The following NDUFAF2 variants were observed in gnomAD, a reference collection of about 807,000 sequenced individuals.
The protein encoded by NDUFAF2 is NADH:ubiquinone oxidoreductase complex assembly factor 2, also known as NADH dehydrogenase [ubiquinone] 1 alpha subcomplex assembly factor 2.
In NDUFAF2, 13 loss-of-function variants were observed where a neutral mutation model predicts 22.8. That is an observed-to-expected ratio of 0.57 (90% CI 0.37 to 0.91). The LOEUF is 0.91. Ranked by LOEUF, NDUFAF2 falls within the 40% of genes least tolerant of loss-of-function variation. The probability of loss-of-function intolerance (pLI) is 0.01; values close to 1 mark genes in which losing one functional copy is unlikely to be tolerated. For synonymous variants in NDUFAF2, 53 were observed against 64.2 expected, an observed-to-expected ratio of 0.83 and a Z score of 0.84; for missense variants, 162 against 195.2, an observed-to-expected ratio of 0.83 and a Z score of 1.01.
intron 1 of NDUFAF2, among the ~76,000 whole-genome samples, chr5:60,970,570 T>G (rs1044924876): frequency 6.6e-6 from 1 of 152,192 alleles, no homozygotes; most frequent in Admixed American, 6.5e-5. Flanking sequence ...ACTTAATTTA[T>G]TTATCAATTT....
At chr5:61,124,865 T>G (rs1461550593) in intron 3 of NDUFAF2, among the ~76,000 whole-genome samples, 1 of 152,054 alleles carries the variant, frequency 6.6e-6, no homozygotes, top group African/African-American at 2.4e-5. Context: ...GAAAAGAGGT[T>G]TAATGGACGC....
chr5:60,952,806 T>A (rs12519810), intron 1 of NDUFAF2, among the ~76,000 whole-genome samples: 30,435 of 152,088 alleles, frequency 0.2, 3,609 homozygotes, highest in Non-Finnish European at 0.27. Flanking sequence ...TGAATACAAG[T>A]TTACATTTGT....
chr5:61,084,301 AT>A (rs1408703498), intron 2 of NDUFAF2, among the ~76,000 whole-genome samples: 10 of 150,756 alleles, frequency 6.6e-5, no homozygotes, highest in African/African-American at 2.4e-4. Context: ...CTCCCTTTTC[AT>A]TGTGGTAAAG....
At chr5:61,078,883 G>C (rs991476909) in intron 2 of NDUFAF2, among the ~76,000 whole-genome samples, 12 of 152,108 alleles carry the variant, frequency 7.9e-5, no homozygotes, top group Non-Finnish European at 1.5e-4. Flanking sequence ...TTATGTAGAG[G>C]CTCTCATATT....
At chr5:61,057,570 A>G (rs1448586153) in intron 1 of NDUFAF2, among the ~76,000 whole-genome samples, 4 of 152,174 alleles carry the variant, frequency 2.6e-5, no homozygotes, top group African/African-American at 4.8e-5. Context: ...TTAGAATCCT[A>G]GGAGTGTGAG....
chr5:61,098,097 A>C (rs1218845917), intron 2 of NDUFAF2, among the ~76,000 whole-genome samples: 1 of 152,232 alleles, frequency 6.6e-6, no homozygotes, highest in Non-Finnish European at 1.5e-5. Flanking sequence ...TAATAGTAAT[A>C]ATTATACTAA....
At chr5:61,147,958 T>C (rs1031917833) in intron 3 of NDUFAF2, among the ~76,000 whole-genome samples, 4 of 152,186 alleles carry the variant, frequency 2.6e-5, no homozygotes, top group Admixed American at 6.5e-5. Flanking sequence ...TTTCAGCCTA[T>C]AGTTCCCCAG....
At chr5:61,033,899 T>G (rs1266788416) in intron 1 of NDUFAF2, among the ~76,000 whole-genome samples, 1 of 152,154 alleles carries the variant, frequency 6.6e-6, no homozygotes, top group African/African-American at 2.4e-5. Context: ...TACAACCTGT[T>G]TCATTTGATA....
intron 1 of NDUFAF2, among the ~76,000 whole-genome samples, chr5:61,004,961 A>C (rs1369065106): frequency 1.3e-5 from 2 of 151,660 alleles, no homozygotes; most frequent in Non-Finnish European, 2.9e-5. Flanking sequence ...ATTATAGTTT[A>C]AGTTCTAGGG....
Position 61,042,086 on chromosome 5 carries a change from G to T in NDUFAF2, c.128-31039G>T, listed in dbSNP as rs536631843. On this transcript the variant is annotated intron_variant, in intron 1 of 3. Transcript: ENST00000296597. Reference sequence around the variant, plus strand: ...TTTTTAGACTATATTTGTACTTTTGGACTTAGAACTATTATTTTAAATACC... The same window carrying T: ...TTTTTAGACTATATTTGTACTTTTGTACTTAGAACTATTATTTTAAATACC... Among the ~76,000 whole-genome samples the T allele has an allele frequency of 6.2e-4, 94 of 152,172 alleles. 1 individual carries two copies. Among genetic ancestry groups the T allele is most frequent in the African/African-American group, 2.0e-3 (85 of 41,538 alleles).
At chr5:61,105,330 T>C in intron 3 of NDUFAF2, among the ~76,000 whole-genome samples, 1 of 151,312 alleles carries the variant, frequency 6.6e-6, no homozygotes, top group Admixed American at 6.6e-5. Flanking sequence ...ACTAGGTTCA[T>C]TTTATAAGTT....
At chr5:60,971,268 T>C (rs1750823508) in intron 1 of NDUFAF2, among the ~76,000 whole-genome samples, 1 of 149,312 alleles carries the variant, frequency 6.7e-6, no homozygotes, top group Non-Finnish European at 1.5e-5. Flanking sequence ...ACATTAGATA[T>C]ATCTTTTTTC....
At chr5:61,086,543 A>G (rs1752507475) in intron 2 of NDUFAF2, among the ~76,000 whole-genome samples, 1 of 152,194 alleles carries the variant, frequency 6.6e-6, no homozygotes, top group Admixed American at 6.6e-5. Context: ...ATTCTTTTCA[A>G]TAGCTTGTGT....
chr5:61,010,478 A>G (rs1318524099), intron 1 of NDUFAF2, among the ~76,000 whole-genome samples: 1 of 151,820 alleles, frequency 6.6e-6, no homozygotes, highest in Non-Finnish European at 1.5e-5. Flanking sequence ...TTCTGCATTC[A>G]ACTCTTCCAT....
chr5:61,031,341 T>A (rs538751377), intron 1 of NDUFAF2, among the ~76,000 whole-genome samples: 6 of 152,128 alleles, frequency 3.9e-5, no homozygotes, highest in Non-Finnish European at 8.8e-5. Flanking sequence ...GTGTGTGATG[T>A]TCCCCTATCT....
At chr5:61,107,046 T>TACAGACACACAC (rs1752774234) in intron 3 of NDUFAF2, among the ~76,000 whole-genome samples, 2 of 124,018 alleles carry the variant, frequency 1.6e-5, no homozygotes. Context: ...TGGATAAATA[T>TACAGACACACAC]ACACACACAC....
intron 1 of NDUFAF2, among the ~76,000 whole-genome samples, chr5:60,966,092 G>A (rs1561529196): frequency 6.6e-6 from 1 of 152,108 alleles, no homozygotes; most frequent in African/African-American, 2.4e-5. Context: ...TCTTGTTGTG[G>A]TTTTAATTTG....
At chr5:61,114,280 A>G (rs948857001) in intron 3 of NDUFAF2, among the ~76,000 whole-genome samples, 1 of 152,050 alleles carries the variant, frequency 6.6e-6, no homozygotes, top group Non-Finnish European at 1.5e-5. Context: ...AGGCTCACTA[A>G]TTCTTTCTTC....
intron 1 of NDUFAF2, among the ~76,000 whole-genome samples, chr5:60,985,936 G>C (rs963088575): frequency 2.0e-4 from 31 of 152,244 alleles, no homozygotes; most frequent in African/African-American, 7.2e-4. Flanking sequence ...ATTAAAATCA[G>C]AACTACAAGG....
Sources: allele counts gnomAD v4.1 joint callset (sites outside exome capture counted in the v4.1 genomes callset), GRCh38; gene constraint gnomAD v4.1.1; transcripts MANE v1.5; gene names NCBI Gene and HGNC (gene_info 2026-07-23, HGNC 2026-07-21).